The following GRID2 variants were observed in gnomAD, a reference collection of about 807,000 sequenced individuals.
GRID2 encodes the protein glutamate receptor ionotropic, delta-2.
A neutral mutation model predicts 114.8 loss-of-function variants in GRID2; 33 were observed. The observed-to-expected ratio is 0.29, with a 90% confidence interval of 0.22 to 0.38. The LOEUF (loss-of-function observed/expected upper bound fraction) is 0.38. GRID2 is among the 10% of genes least tolerant of loss of function. The pLI, the probability that GRID2 is intolerant of heterozygous loss-of-function variation, is 1.00. For synonymous variants in GRID2, 505 were observed against 449.9 expected, an observed-to-expected ratio of 1.12 and a Z score of -1.55; for missense variants, 1,184 against 1,257.7, an observed-to-expected ratio of 0.94 and a Z score of 0.89.
At chr4:93,463,771 G>T (rs373639238) in intron 11 of GRID2, among the ~76,000 whole-genome samples, 60 of 152,010 alleles carry the variant, frequency 3.9e-4, no homozygotes, top group African/African-American at 1.1e-3. Flanking sequence ...GGGTGGATCA[G>T]GAGGTCAGGA....
At chr4:93,794,555 C>T (rs895367465) in intron 1 of GRID2, among the ~76,000 whole-genome samples, 4 of 152,028 alleles carry the variant, frequency 2.6e-5, no homozygotes, top group South Asian at 2.1e-4. Flanking sequence ...TATTTATGCC[C>T]GAGGATGGGG....
chr4:93,316,291 CGAAAGAAAGAAAGAAAGAAA>C (rs201308452), intron 8 of GRID2, among the ~76,000 whole-genome samples: 185 of 77,170 alleles, frequency 2.4e-3, no homozygotes, highest in African/African-American at 9.4e-3. Context: ...AACGAAAGAA[CGAAAGAAAGAAAGAAAGAAA>C]GAAAGAAAGA....
rs144954262 is a variant in GRID2 at position 92,768,509 on chromosome 4, A to G, written c.244+178223A>G. Among the ~76,000 whole-genome samples the G allele has an allele frequency of 2.2e-3, 333 of 152,296 alleles. 4 individuals carry two copies. Among genetic ancestry groups the G allele is most frequent in the Middle Eastern group, 0.01 (3 of 294 alleles). ...AGCATCTGAAAGACTTTTTCAATCT[A>G]GCAGCAAATTAGTTATAGCAGTGGG... On this transcript the variant is annotated intron_variant, in intron 2 of 15. Transcript: ENST00000282020.
intron 2 of GRID2, among the ~76,000 whole-genome samples, chr4:92,717,551 A>G (rs1735610182): frequency 6.6e-6 from 1 of 152,206 alleles, no homozygotes; most frequent in Non-Finnish European, 1.5e-5. Context: ...AACTTTGTTC[A>G]GTTAATATAT....
chr4:92,506,847 T>G (rs1349346445), intron 1 of GRID2, among the ~76,000 whole-genome samples: 1 of 151,928 alleles, frequency 6.6e-6, no homozygotes. Flanking sequence ...AACAAAAAGG[T>G]AGCAATTGGC....
At chr4:92,573,248 A>T (rs1292798152) in intron 1 of GRID2, among the ~76,000 whole-genome samples, 2 of 146,148 alleles carry the variant, frequency 1.4e-5, no homozygotes, top group Non-Finnish European at 3.1e-5. Flanking sequence ...AGTCTATTTT[A>T]TTTTTTTCAA....
At chr4:92,836,647 A>G (rs532540496) in intron 2 of GRID2, among the ~76,000 whole-genome samples, 1 of 152,280 alleles carries the variant, frequency 6.6e-6, no homozygotes, top group South Asian at 2.1e-4. Context: ...ATCAAGGAAA[A>G]GGATTTTGGT....
chr4:92,632,091 T>A (rs1176841003), intron 2 of GRID2, among the ~76,000 whole-genome samples: 3 of 152,178 alleles, frequency 2.0e-5, no homozygotes, highest in South Asian at 4.1e-4. Context: ...AAACACTTCA[T>A]GTATTCACTA....
At chr4:92,439,157 T>C (rs373610143) in intron 1 of GRID2, among the ~76,000 whole-genome samples, 2,080 of 150,394 alleles carry the variant, frequency 0.014, 26 homozygotes, top group South Asian at 0.04. Flanking sequence ...GAGTGGGGGT[T>C]GCAAGTTGCT....
In GRID2 at chr4:92,691,235, G is replaced by A. The variant is rs564634746; in HGVS notation, c.244+100949G>A. On this transcript the variant is annotated intron_variant, in intron 2 of 15. Coordinates refer to ENST00000282020, the MANE Select transcript of GRID2 (RefSeq NM_001510.4). ...ATATTTTTATTTTATATTTTATATC[G>A]TATCCAAAAATTATGGTACTTTGCT... 9.2e-5 allele frequency among the ~76,000 whole-genome samples: 14 copies of A among 151,950 alleles called. No individual in the cohort carries two copies. In the East Asian group the frequency reaches 1.4e-3, roughly 15 times the overall value.
At chr4:92,986,160 A>AT (rs1478471105) in intron 2 of GRID2, among the ~76,000 whole-genome samples, 1 of 152,178 alleles carries the variant, frequency 6.6e-6, no homozygotes, top group Non-Finnish European at 1.5e-5. Context: ...AATGTCATAC[A>AT]TAAGCCCCCA....
intron 4 of GRID2, among the ~76,000 whole-genome samples, chr4:93,163,819 C>G (rs917100232): frequency 6.6e-6 from 1 of 151,826 alleles, no homozygotes; most frequent in African/African-American, 2.4e-5. Flanking sequence ...ATTAAGGCTA[C>G]CTGCAAATGC....
At chr4:93,630,974 T>C (rs202112287) in intron 14 of GRID2, among the ~76,000 whole-genome samples, 2 of 152,200 alleles carry the variant, frequency 1.3e-5, no homozygotes, top group East Asian at 1.9e-4. Flanking sequence ...TCTCAGCTAC[T>C]ACACATAATA....
chr4:93,765,349 T>C (rs934990077), intron 14 of GRID2, among the ~76,000 whole-genome samples: 1 of 152,012 alleles, frequency 6.6e-6, no homozygotes, highest in Non-Finnish European at 1.5e-5. Flanking sequence ...GGTCAGATGG[T>C]CCAATTTCTC....
intron 8 of GRID2, among the ~76,000 whole-genome samples, chr4:93,340,240 CT>C (rs33924908): frequency 0.41 from 56,801 of 139,170 alleles, 11,785 homozygotes; most frequent in East Asian, 0.68. Flanking sequence ...TATCTCCTCT[CT>C]TTTTTTTTTT....
At chr4:92,881,357 C>T (rs1745997365) in intron 2 of GRID2, among the ~76,000 whole-genome samples, 1 of 152,146 alleles carries the variant, frequency 6.6e-6, no homozygotes, top group African/African-American at 2.4e-5. Context: ...CTTGATTTTA[C>T]ATATATAACA....
At chr4:93,336,311 A>C (rs968149698) in intron 8 of GRID2, among the ~76,000 whole-genome samples, 3 of 152,018 alleles carry the variant, frequency 2.0e-5, no homozygotes, top group Non-Finnish European at 4.4e-5. Flanking sequence ...TATGTTTTTA[A>C]ATATTTCTTT....
At chr4:93,792,527 A>G (rs1339022980) in intron 1 of GRID2, among the ~76,000 whole-genome samples, 35 of 152,196 alleles carry the variant, frequency 2.3e-4, no homozygotes, top group Admixed American at 2.3e-3. Context: ...CCAATTTTGC[A>G]TTGGCCTAAC....
At chr4:92,978,135 C>T (rs934120565) in intron 2 of GRID2, among the ~76,000 whole-genome samples, 1 of 152,002 alleles carries the variant, frequency 6.6e-6, no homozygotes. Flanking sequence ...GGAAAGGGCA[C>T]ACATGAAAGG....
Sources: allele counts gnomAD v4.1 joint callset (sites outside exome capture counted in the v4.1 genomes callset), GRCh38; gene constraint gnomAD v4.1.1; transcripts MANE v1.5; gene names NCBI Gene and HGNC (gene_info 2026-07-23, HGNC 2026-07-21).